Variants in TOX observed in about 807,000 individuals in gnomAD.
The protein encoded by TOX is thymocyte selection associated high mobility group box, also known as thymocyte selection-associated high mobility group box protein TOX.
A neutral mutation model predicts 53.7 loss-of-function variants in TOX; 11 were observed. The observed-to-expected ratio is 0.20, with a 90% CI of 0.13 to 0.34. The LOEUF (loss-of-function observed/expected upper bound fraction) is 0.34. TOX is among the 10% of genes least tolerant of loss of function. TOX has a pLI of 1.00. For missense variants in TOX, 570 were observed against 664.6 expected, an observed-to-expected ratio of 0.86 and a Z score of 1.56; for synonymous variants, 225 against 245.3, an observed-to-expected ratio of 0.92 and a Z score of 0.77.
At chr8:58,874,314 G>T (rs1811249718) in intron 3 of TOX, among the ~76,000 whole-genome samples, 1 of 151,970 alleles carries the variant, frequency 6.6e-6, no homozygotes, top group African/African-American at 2.4e-5. Context: ...CAGAATGATG[G>T]AATTTTTATT....
intron 1 of TOX, among the ~76,000 whole-genome samples, chr8:59,111,152 G>C (rs1424890894): frequency 1.3e-5 from 2 of 152,158 alleles, no homozygotes; most frequent in African/African-American, 4.8e-5. Context: ...AACAGAGTGG[G>C]AGGGAATCAC....
chr8:58,931,126 C>G (rs1437885736), intron 3 of TOX, among the ~76,000 whole-genome samples: 1 of 152,074 alleles, frequency 6.6e-6, no homozygotes, highest in East Asian at 1.9e-4. Context: ...TAGAAACCAA[C>G]ACAGCAAGAG....
intron 1 of TOX, among the ~76,000 whole-genome samples, chr8:59,017,109 C>T (rs1026025953): frequency 2.0e-5 from 3 of 152,230 alleles, no homozygotes; most frequent in Non-Finnish European, 4.4e-5. Flanking sequence ...GCTGCCTCCA[C>T]CAGGCTGCGA....
chr8:59,103,605 G>T (rs935144707), intron 1 of TOX, among the ~76,000 whole-genome samples: 1 of 152,120 alleles, frequency 6.6e-6, no homozygotes, highest in Non-Finnish European at 1.5e-5. Flanking sequence ...AGGGATCTTC[G>T]TCTAGCCCCC....
At chr8:58,913,517 T>C (rs938819036) in intron 3 of TOX, among the ~76,000 whole-genome samples, 3 of 152,206 alleles carry the variant, frequency 2.0e-5, no homozygotes, top group African/African-American at 7.2e-5. Flanking sequence ...TGATGAATGC[T>C]TGTTTTCCAT....
intron 4 of TOX, among the ~76,000 whole-genome samples, chr8:58,841,358 G>A (rs1810638162): frequency 6.6e-6 from 1 of 152,152 alleles, no homozygotes; most frequent in East Asian, 1.9e-4. Context: ...ACGTATCATG[G>A]TCCCTGATAC....
chr8:59,020,095 G>A (rs1400099951), intron 1 of TOX, among the ~76,000 whole-genome samples: 1 of 152,130 alleles, frequency 6.6e-6, no homozygotes, highest in Non-Finnish European at 1.5e-5. Context: ...ACCTTAGCTC[G>A]GAAGATAGTA....
At chr8:59,106,327 G>T (rs1804902207) in intron 1 of TOX, among the ~76,000 whole-genome samples, 1 of 151,566 alleles carries the variant, frequency 6.6e-6, no homozygotes, top group African/African-American at 2.4e-5. Flanking sequence ...AAAAAAGAAA[G>T]AAAGATAAAC....
In TOX at chr8:59,049,978, T is replaced by C. The variant is rs1266631327; in HGVS notation, c.102+68908A>G. Among the ~76,000 whole-genome samples, 4 of 152,226 alleles carry C rather than the reference T, an allele frequency of 2.6e-5. No homozygotes were observed. The East Asian group carries it at 7.7e-4, about 29-fold the overall frequency. On this transcript the variant is annotated intron_variant, in intron 1 of 8. Transcript: ENST00000361421. Reference sequence around the variant, plus strand: ...ATGTTCTTGTATTATATAGTCACACTAATAAAAGCAATAAAACATATCCAG... The same window carrying C: ...ATGTTCTTGTATTATATAGTCACACCAATAAAAGCAATAAAACATATCCAG...
At chr8:59,047,393 TA>T (rs1803710250) in intron 1 of TOX, among the ~76,000 whole-genome samples, 7 of 147,312 alleles carry the variant, frequency 4.8e-5, no homozygotes, top group African/African-American at 1.0e-4. Flanking sequence ...ATTTTTTTTT[TA>T]TTTTTTTATT....
intron 1 of TOX, among the ~76,000 whole-genome samples, chr8:59,101,008 C>G (rs939999157): frequency 6.6e-6 from 1 of 152,182 alleles, no homozygotes; most frequent in African/African-American, 2.4e-5. Context: ...CACATGCTAT[C>G]AGTTGCTGTC....
rs139203581 is a variant in TOX at position 58,851,660 on chromosome 8, T to C, written c.557A>G (p.Gln186Arg). 6.2e-6 allele frequency: 10 copies of C among 1,613,630 alleles called. No individual in the cohort carries two copies. The highest frequency in any genetic ancestry group is 4.0e-5 in the African/African-American group (3 of 74,872). Reference protein sequence around the residue: ...HGQLTTINQSQLSAQLGLNMG... With the variant: ...HGQLTTINQSRLSAQLGLNMG... Reference sequence around the variant, plus strand: ...ATTCAAACCAAGTTGAGCACTTAGCTGTGACTGGTTAATGGTAGTCAGCTG... The same window carrying C: ...ATTCAAACCAAGTTGAGCACTTAGCCGTGACTGGTTAATGGTAGTCAGCTG... The change falls in exon 4 of 9, where the codon CAG becomes CGG. Residue 186 changes from glutamine (Q) to arginine (R), a missense_variant. Physicochemically the swap from Gln to Arg is conservative, Grantham distance 43 (BLOSUM62 1). Coordinates refer to ENST00000361421, the MANE Select transcript of TOX (RefSeq NM_014729.3). The surrounding 1 kb of genome is among the most constrained non-coding windows in gnomAD (Gnocchi z 4.4).
intron 3 of TOX, among the ~76,000 whole-genome samples, chr8:58,856,854 C>G (rs1318597906): frequency 6.6e-6 from 1 of 151,556 alleles, no homozygotes; most frequent in Non-Finnish European, 1.5e-5. Context: ...GCTGAAGGCA[C>G]AAGAAAGGAG....
intron 1 of TOX, among the ~76,000 whole-genome samples, chr8:58,988,950 A>T (rs575280883): frequency 6.6e-6 from 1 of 152,302 alleles, no homozygotes; most frequent in South Asian, 2.1e-4. Context: ...TGCTCACTAG[A>T]TTTTTGACAA....
intron 1 of TOX, among the ~76,000 whole-genome samples, chr8:58,998,299 G>T (rs1813599883): frequency 6.6e-6 from 1 of 150,604 alleles, no homozygotes; most frequent in African/African-American, 2.4e-5. Context: ...GACCAGCCTG[G>T]CCAACATGGT....
chr8:58,837,717 T>C (rs930175379), intron 5 of TOX, among the ~76,000 whole-genome samples: 7 of 152,202 alleles, frequency 4.6e-5, no homozygotes, highest in African/African-American at 7.2e-5. Context: ...AAATGGTAAA[T>C]AGTAAGTGCT....
chr8:59,064,987 G>A (rs569827607), intron 1 of TOX, among the ~76,000 whole-genome samples: 1 of 152,222 alleles, frequency 6.6e-6, no homozygotes, highest in African/African-American at 2.4e-5. Context: ...GCGCCCTGAG[G>A]CTTCCCAATT....
intron 1 of TOX, among the ~76,000 whole-genome samples, chr8:59,014,881 G>T (rs1813979692): frequency 6.6e-6 from 1 of 152,168 alleles, no homozygotes; most frequent in South Asian, 2.1e-4. Flanking sequence ...CCTAATTAAA[G>T]AAATAACCGC....
intron 1 of TOX, among the ~76,000 whole-genome samples, chr8:58,971,750 G>A (rs558913269): frequency 1.3e-5 from 2 of 152,014 alleles, no homozygotes; most frequent in East Asian, 1.9e-4. Context: ...GTACAGCAGC[G>A]CGATCTCAAC....
Sources: allele counts gnomAD v4.1 joint callset (sites outside exome capture counted in the v4.1 genomes callset), GRCh38; gene constraint gnomAD v4.1.1; non-coding constraint Gnocchi (gnomAD v3.1); transcripts MANE v1.5; gene names NCBI Gene and HGNC (gene_info 2026-07-23, HGNC 2026-07-21).